COMP: variants seen among roughly 807,000 people sequenced by gnomAD.
COMP encodes cartilage oligomeric matrix protein (pseudoachondroplasia, epiphyseal dysplasia 1, multiple).
A neutral mutation model predicts 95.8 loss-of-function variants in COMP; 79 were observed. That is an observed-to-expected ratio of 0.82 (90% CI 0.69 to 0.99). The LOEUF is 0.99. COMP is among the 50% of genes least tolerant of loss of function. COMP has a pLI of 0.00. For missense variants in COMP, 906 were observed against 1,076.1 expected, an observed-to-expected ratio of 0.84 and a Z score of 2.21; for synonymous variants, 438 against 433.9, an observed-to-expected ratio of 1.01 and a Z score of -0.12.
chr19:18,790,512 T>C, intron 3 of COMP, 50 bp downstream of exon 3: 1 of 1,607,672 alleles, frequency 6.2e-7, no homozygotes. Flanking sequence ...TCTGTCTCTG[T>C]GTCTCTGTCT....
At position 18,791,170 on chromosome 19, in the gene COMP, G is replaced by A. The variant is rs778614969; in HGVS notation, c.79+21C>T. The stretch of plus-strand genomic sequence containing the variant: ...TCCGTTGTGGGGCCGTGGGCACGGC[G>A]CGGGTGCTAACGCGGCTTACCCAAC... On this transcript the variant is annotated intron_variant, in intron 1 of 18. Coordinates refer to ENST00000222271, the MANE Select transcript of COMP (RefSeq NM_000095.3). 5.1e-6 allele frequency: 8 copies of A among 1,567,522 alleles called. No individual in the cohort carries two copies. The East Asian group carries it at 1.4e-4, about 27-fold the overall frequency.
chr19:18,789,513 G>A lies in COMP; in HGVS notation c.391-216C>T, dbSNP rs1184185364. The stretch of plus-strand genomic sequence containing the variant: ...AGAGGAGAGCTGTTCCCTCATGGGC[G>A]AGGGGAGGAAGGATGAGGGCGGGCA... On this transcript the variant is annotated intron_variant, in intron 4 of 18. Coordinates refer to ENST00000222271, the MANE Select transcript of COMP (RefSeq NM_000095.3). The surrounding 1 kb of genome is among the most constrained non-coding windows in gnomAD (Gnocchi z 6.1). Among the ~76,000 whole-genome samples, 1 of 152,106 alleles carries A rather than the reference G, an allele frequency of 6.6e-6. No homozygotes were observed. Among genetic ancestry groups the A allele is most frequent in the East Asian group, 1.9e-4 (1 of 5,176 alleles).
In COMP at chr19:18,785,729, C is replaced by G; in HGVS notation, c.1612G>C (p.Val538Leu). 1 of 1,613,536 alleles carries G rather than the reference C, an allele frequency of 6.2e-7. No individual in the cohort carries two copies. Among genetic ancestry groups the G allele is most frequent in the Non-Finnish European group, 8.5e-7 (1 of 1,180,032 alleles). Residue 538 changes from valine (V) to leucine (L), a missense_variant, in exon 14 of 19, where the codon GTG (valine) becomes CTG (leucine). By Grantham distance (32) the Val-to-Leu change is conservative. Coordinates refer to ENST00000222271, the MANE Select transcript of COMP (RefSeq NM_000095.3). ...LTDFRAFQTV[V>L]LDPEGDAQID... ...TGCGCGTCACCCTCCGGGTCCAGCACGACTGTCTGGAAGGCCCTGAAGTCG... is the reference window on the plus strand; with the variant it reads ...TGCGCGTCACCCTCCGGGTCCAGCAGGACTGTCTGGAAGGCCCTGAAGTCG...
At chr19:18,790,330 G>A (rs938121614) in intron 3 of COMP, among the ~76,000 whole-genome samples, 5 of 151,208 alleles carry the variant, frequency 3.3e-5, no homozygotes, top group African/African-American at 1.2e-4. Context: ...TCTCTGTCCC[G>A]CTTTTCTGCC....
Position 18,790,027 on chromosome 19 carries a change from C to T in COMP, c.305G>A (p.Cys102Tyr). 1 of 1,578,858 alleles carries T rather than the reference C, an allele frequency of 6.3e-7. No homozygotes were observed. The highest frequency in any genetic ancestry group is 8.6e-7 in the Non-Finnish European group (1 of 1,169,044). Residue 102 changes from cysteine (C) to tyrosine (Y), a missense_variant, in exon 4 of 19, where the codon TGC becomes TAC. Physicochemically the swap from Cys to Tyr is radical, Grantham distance 194 (BLOSUM62 -2). Transcript: ENST00000222271. ...APGFCFPGVA[C>Y]IQTESGARCG... ...GCGCGCGCCGCTCTCCGTCTGGATG[C>T]AGGCCACGCCGGGGAAGCAGAAGCC...
rs56093208 is a variant in COMP, at chr19:18,787,864, C to CTTTTTCTTTCTTTCTT, written c.976-215_976-214insAAGAAAGAAAGAAAAA. Among the ~76,000 whole-genome samples the CTTTTTCTTTCTTTCTT allele has an allele frequency of 1.7e-3, 183 of 108,862 alleles. 4 individuals carry two copies. Among genetic ancestry groups the CTTTTTCTTTCTTTCTT allele is most frequent in the Middle Eastern group, 0.013 (3 of 224 alleles). The allele number at this position is 108,862 out of a possible 152,430, so 71.4% of individuals were successfully genotyped here. On this transcript the variant is annotated intron_variant, in intron 9 of 18. Transcript: ENST00000222271. ...TCTTTTCTTTTTTCTTTTTCTTTTT[C>CTTTTTCTTTCTTTCTT]TCTTTCTTTCTTTCTTTCTTTCTTT...
intron 17 of COMP, among the ~76,000 whole-genome samples, chr19:18,783,508 G>A (rs2055141039): frequency 6.6e-6 from 1 of 152,166 alleles, no homozygotes; most frequent in African/African-American, 2.4e-5. Flanking sequence ...TGTCACCCAG[G>A]CTGGAGTGCA....
chr19:18,783,877 T>C (rs2055144962), intron 17 of COMP, among the ~76,000 whole-genome samples: 1 of 152,174 alleles, frequency 6.6e-6, no homozygotes, highest in Non-Finnish European at 1.5e-5. Context: ...CCCAAAGTAC[T>C]GGGATTACAG....
At position 18,784,884 on chromosome 19, in the gene COMP, C is replaced by T. The variant is rs2055153489; in HGVS notation, c.1914+12G>A. 4 of 1,613,316 alleles carry T rather than the reference C, an allele frequency of 2.5e-6. No individual in the cohort carries two copies. The highest frequency in any genetic ancestry group is 2.2e-5 in the East Asian group (1 of 44,874). ...GAGGACCGCAGAGGTCAGGCACGGA[C>T]GGCCCTGGCACCTTGAGTTGGATGC... On this transcript the variant is annotated intron_variant, in intron 16 of 18. Coordinates refer to ENST00000222271, the MANE Select transcript of COMP (RefSeq NM_000095.3). The surrounding 1 kb of genome is among the most constrained non-coding windows in gnomAD (Gnocchi z 4.9).
intron 15 of COMP, 146 bp from the exon 16 acceptor site, chr19:18,785,238 G>GC (rs1035028008): frequency 2.9e-5 from 27 of 932,394 alleles, no homozygotes; most frequent in Non-Finnish European, 3.8e-5. Flanking sequence ...ACTCAGCCAC[G>GC]CCCCCCATCT....
chr19:18,784,954 T>TG lies in COMP; in HGVS notation c.1855dup (p.Gln619ProfsTer83). ...GAAGGGGTTCGCCTGCCAATACGTT[T>TG]GCTCCATCTGCTTCCACATGACCAC... On this transcript the variant is annotated frameshift_variant, in exon 16 of 19. Transcript: ENST00000222271. LOFTEE classifies it high-confidence loss of function. This position sits in a 1 kb window ranked among gnomAD's most constrained non-coding sequence, Gnocchi z 4.9. 1 of 1,614,098 alleles carries TG rather than the reference T, an allele frequency of 6.2e-7. No homozygotes were observed. The highest frequency in any genetic ancestry group is 2.2e-5 in the East Asian group (1 of 44,886).
Position 18,786,027 on chromosome 19 carries a change from C to A in COMP, c.1427G>T (p.Gly476Val). 5 of 1,613,688 alleles carry A rather than the reference C, an allele frequency of 3.1e-6. No homozygotes were observed. Among genetic ancestry groups the A allele is most frequent in the Non-Finnish European group, 4.2e-6 (5 of 1,180,008 alleles). ...DACDDDDDNDGVPDSRDNCRL... is the reference protein window; with the variant it reads ...DACDDDDDNDVVPDSRDNCRL... The stretch of plus-strand genomic sequence containing the variant: ...GCAGTTGTCCCGACTGTCAGGGACT[C>A]CGTCATTGTCGTCGTCGTCGTCGCA... The change falls in exon 13 of 19, where the codon GGA (glycine) becomes GTA (valine). Residue 476 changes from glycine to valine, a missense_variant. Gly to Val is a moderately radical substitution (Grantham distance 109). Coordinates refer to ENST00000222271, the MANE Select transcript of COMP (RefSeq NM_000095.3).
rs1459116816 is a variant in COMP, at chr19:18,788,796, C to T, written c.603+43G>A. On this transcript the variant is annotated intron_variant, in intron 6 of 18. Transcript: ENST00000222271. The surrounding 1 kb of genome is among the most constrained non-coding windows in gnomAD (Gnocchi z 4.7). Reference sequence around the variant, plus strand: ...GTCAGCGCAGGCCGCCCGCCGCTCGCCCCACCTCCCGCGATCCTTTCTTCC... The same window carrying T: ...GTCAGCGCAGGCCGCCCGCCGCTCGTCCCACCTCCCGCGATCCTTTCTTCC... 6.2e-7 allele frequency: 1 copy of T among 1,609,864 alleles called. No individual in the cohort carries two copies. The highest frequency in any genetic ancestry group is 2.2e-5 in the East Asian group (1 of 44,830).
Position 18,790,586 on chromosome 19 carries a change from T to A in COMP, c.193A>T (p.Thr65Ser), listed in dbSNP as rs1349031878. The A allele has an allele frequency of 6.2e-7, 1 of 1,613,872 alleles. No homozygotes were observed. The highest frequency in any genetic ancestry group is 8.5e-7 in the Non-Finnish European group (1 of 1,179,858). Residue 65 changes from threonine (T) to serine (S), a missense_variant, in exon 3 of 19, where the codon ACG becomes TCG. Transcript: ENST00000222271. Reference sequence around the variant, plus strand: ...CCGCACGCGTCACACTCCATCACCGTGTTTTTCAGGAACGTGATCTCCCTG... The same window carrying A: ...CCGCACGCGTCACACTCCATCACCGAGTTTTTCAGGAACGTGATCTCCCTG... ...QVREITFLKN[T>S]VMECDACGMQ...
At chr19:18,790,798 G>A in intron 2 of COMP, 52 bp downstream of exon 2, 3 of 1,564,976 alleles carry the variant, frequency 1.9e-6, no homozygotes, top group Non-Finnish European at 2.6e-6. Context: ...GCTGGGAACT[G>A]AGACCCCCTT....
chr19:18,790,761 A>C (rs1601060647), intron 2 of COMP, 89 bp downstream of exon 2: 3 of 1,588,672 alleles, frequency 1.9e-6, no homozygotes, highest in Admixed American at 1.8e-5. Flanking sequence ...TCTCCTCTCC[A>C]CCTTCTCGGG....
chr19:18,786,665 G>T lies in COMP; in HGVS notation c.1136-15C>A. ...GTTGCGGATCCCTGCAGAAATCCAC[G>T]GGACCAGAGCCCCAAGATTGGGACC... is the stretch of plus-strand genomic sequence containing the variant. On this transcript the variant is annotated splice_polypyrimidine_tract_variant and intron_variant, in intron 10 of 18. Coordinates refer to ENST00000222271, the MANE Select transcript of COMP (RefSeq NM_000095.3). 1 of 1,599,828 alleles carries T rather than the reference G, an allele frequency of 6.3e-7. No individual in the cohort carries two copies.
At position 18,784,237 on chromosome 19, in the gene COMP, ACTT is replaced by A; in HGVS notation, c.2038_2040del (p.Lys680del). 6.2e-7 allele frequency: 1 copy of A among 1,613,926 alleles called. No homozygotes were observed. Among genetic ancestry groups the A allele is most frequent in the Non-Finnish European group, 8.5e-7 (1 of 1,180,004 alleles). On this transcript the variant is annotated inframe_deletion, in exon 17 of 19. Coordinates refer to ENST00000222271, the MANE Select transcript of COMP (RefSeq NM_000095.3). The surrounding 1 kb of genome is among the most constrained non-coding windows in gnomAD (Gnocchi z 4.9). Reference sequence around the variant, plus strand: ...CGGTGCTGCAGGAACCAACGATAGGACTTCTTGTCCTTCCAACCCACGTTTCGC... The same window carrying A: ...CGGTGCTGCAGGAACCAACGATAGGACTTGTCCTTCCAACCCACGTTTCGC...
rs202040032 is a variant in COMP at position 18,788,807 on chromosome 19, G to A, written c.603+32C>T. ...CCGCCCGCCGCTCGCCCCACCTCCC[G>A]CGATCCTTTCTTCCTCCCCAGCGGG... On this transcript the variant is annotated intron_variant, in intron 6 of 18. Transcript: ENST00000222271. This position sits in a 1 kb window ranked among gnomAD's most constrained non-coding sequence, Gnocchi z 4.7. 6.2e-6 allele frequency: 10 copies of A among 1,612,046 alleles called. No individual in the cohort carries two copies. The African/African-American group carries it at 1.3e-4, about 21-fold the overall frequency.
Sources: gnomAD v4.1 joint callset for allele counts (sites outside exome capture counted in the v4.1 genomes callset) on GRCh38, gnomAD v4.1.1 for gene constraint, Gnocchi (gnomAD v3.1) non-coding constraint, MANE v1.5 for transcripts, NCBI Gene and HGNC (gene_info 2026-07-23, HGNC 2026-07-21) for gene names.